Variants in CDKAL1 observed in about 807,000 individuals in gnomAD.
The protein encoded by CDKAL1 is threonylcarbamoyladenosine tRNA methylthiotransferase.
In CDKAL1, 32 loss-of-function variants were observed where a neutral mutation model predicts 68.2. The observed-to-expected ratio is 0.47, with a 90% CI of 0.35 to 0.63. The LOEUF (loss-of-function observed/expected upper bound fraction) is 0.63, where lower values mean the gene tolerates loss of function less well. CDKAL1 is among the 30% of genes least tolerant of loss of function. CDKAL1 has a pLI of 0.00. For missense variants in CDKAL1, 606 were observed against 696.7 expected (o/e 0.87, Z 1.47); for synonymous variants, 234 against 244.3 (o/e 0.96, Z 0.39).
intron 9 of CDKAL1, among the ~76,000 whole-genome samples, chr6:20,854,510 T>G (rs192309334): frequency 3.3e-5 from 5 of 152,230 alleles, no homozygotes; most frequent in Non-Finnish European, 2.9e-5. Context: ...AACAGTACAT[T>G]ATCACAATCA....
intron 5 of CDKAL1, among the ~76,000 whole-genome samples, chr6:20,730,016 G>A (rs1017480649): frequency 3.9e-5 from 6 of 152,040 alleles, no homozygotes; most frequent in Admixed American, 3.3e-4. Flanking sequence ...ACTATTAAAA[G>A]GTTAAATAAG....
At chr6:20,853,756 G>A (rs987942938) in intron 9 of CDKAL1, among the ~76,000 whole-genome samples, 13 of 152,128 alleles carry the variant, frequency 8.5e-5, no homozygotes, top group South Asian at 2.1e-4. Flanking sequence ...AGTCAGAGGC[G>A]AGAACTACAA....
Position 20,655,703 on chromosome 6 carries a change from C to T in CDKAL1, c.371+6326C>T, listed in dbSNP as rs991028663. On this transcript the variant is annotated intron_variant, in intron 5 of 15. Transcript: ENST00000274695. ...ACCCCAACACCACACCTCCCACCCCCGGTCTGTGGAAAAATTATCTTCCAT... is the reference window on the plus strand; with the variant it reads ...ACCCCAACACCACACCTCCCACCCCTGGTCTGTGGAAAAATTATCTTCCAT... Among the ~76,000 whole-genome samples, 6 of 152,238 alleles carry T rather than the reference C, an allele frequency of 3.9e-5. No homozygotes were observed. In the South Asian group the frequency reaches 6.2e-4, roughly 16 times the overall value.
At chr6:21,116,764 A>G (rs1213859671) in intron 13 of CDKAL1, among the ~76,000 whole-genome samples, 1 of 152,206 alleles carries the variant, frequency 6.6e-6, no homozygotes. Flanking sequence ...TTCAGTATAA[A>G]AGTATTAATA....
intron 5 of CDKAL1, among the ~76,000 whole-genome samples, chr6:20,658,895 G>A (rs1324320558): frequency 6.6e-6 from 1 of 152,104 alleles, no homozygotes; most frequent in Admixed American, 6.6e-5. Flanking sequence ...GCTTACTGTA[G>A]CCTCATCCTC....
intron 5 of CDKAL1, among the ~76,000 whole-genome samples, chr6:20,721,740 T>G (rs968714743): frequency 1.5e-4 from 21 of 141,536 alleles, no homozygotes; most frequent in Non-Finnish European, 2.3e-4. Context: ...TTTTTTTTTT[T>G]TTTTTTTTTT....
intron 9 of CDKAL1, among the ~76,000 whole-genome samples, chr6:20,875,285 G>A (rs971375023): frequency 6.7e-5 from 9 of 134,924 alleles, no homozygotes; most frequent in Non-Finnish European, 1.1e-4. Context: ...CGGCCTGGGC[G>A]ACAGAGCGAG....
At chr6:20,749,330 G>T (rs1317945338) in intron 6 of CDKAL1, among the ~76,000 whole-genome samples, 2 of 152,032 alleles carry the variant, frequency 1.3e-5, no homozygotes, top group Admixed American at 6.5e-5. Context: ...TTACCACTGT[G>T]TCCCTAATTG....
intron 8 of CDKAL1, among the ~76,000 whole-genome samples, chr6:20,844,887 A>G (rs1778319454): frequency 6.6e-6 from 1 of 152,222 alleles, no homozygotes; most frequent in Non-Finnish European, 1.5e-5. Flanking sequence ...TAGAACCTCT[A>G]TTTGTAAGAG....
chr6:20,840,227 C>T (rs968846971), intron 8 of CDKAL1, among the ~76,000 whole-genome samples: 3 of 152,126 alleles, frequency 2.0e-5, no homozygotes, highest in African/African-American at 7.2e-5. Flanking sequence ...AAATGCATAA[C>T]TGAGTTTCTG....
chr6:21,208,237 C>T (rs1403059679), intron 15 of CDKAL1, among the ~76,000 whole-genome samples: 1 of 152,134 alleles, frequency 6.6e-6, no homozygotes, highest in Admixed American at 6.5e-5. Context: ...TAAAGGGTGG[C>T]ATGGTTTGCT....
intron 6 of CDKAL1, among the ~76,000 whole-genome samples, chr6:20,757,553 T>TACAC (rs67359030): frequency 1.5e-4 from 22 of 150,962 alleles, no homozygotes; most frequent in African/African-American, 4.4e-4. Flanking sequence ...TATATTTATT[T>TACAC]ACACACACAC....
chr6:21,080,945 A>G (rs187314222), intron 12 of CDKAL1, among the ~76,000 whole-genome samples: 18 of 152,336 alleles, frequency 1.2e-4, no homozygotes, highest in African/African-American at 4.1e-4. Context: ...ACTTGGGAAC[A>G]TATAATTGGT....
At chr6:21,153,414 A>G (rs1375898496) in intron 13 of CDKAL1, among the ~76,000 whole-genome samples, 1 of 152,174 alleles carries the variant, frequency 6.6e-6, no homozygotes, top group Admixed American at 6.5e-5. Flanking sequence ...TGTGACATTC[A>G]TTCAATTATG....
chr6:20,762,772 A>G (rs1319439852), intron 7 of CDKAL1, among the ~76,000 whole-genome samples: 2 of 152,202 alleles, frequency 1.3e-5, no homozygotes, highest in Admixed American at 1.3e-4. Flanking sequence ...GGAATAATCT[A>G]ACTGATCTTT....
chr6:20,773,538 T>C (rs757399531), intron 7 of CDKAL1, among the ~76,000 whole-genome samples: 15 of 151,568 alleles, frequency 9.9e-5, no homozygotes, highest in Admixed American at 5.2e-4. Flanking sequence ...TTTATTTACT[T>C]ATTTATTTTT....
intron 15 of CDKAL1, among the ~76,000 whole-genome samples, chr6:21,230,524 A>AAAT (rs1779923974): frequency 6.6e-6 from 1 of 152,092 alleles, no homozygotes; most frequent in Non-Finnish European, 1.5e-5. Context: ...TCTAAGAGTT[A>AAAT]AATATGTCTG....
intron 4 of CDKAL1, among the ~76,000 whole-genome samples, chr6:20,586,878 G>C (rs1765380262): frequency 6.6e-6 from 1 of 151,326 alleles, no homozygotes; most frequent in Non-Finnish European, 1.5e-5. Flanking sequence ...TTCATCTCCT[G>C]CTACCACTGC....
chr6:21,161,294 G>A (rs9465978), intron 13 of CDKAL1, among the ~76,000 whole-genome samples: 37,463 of 152,006 alleles, frequency 0.25, 4,987 homozygotes, highest in African/African-American at 0.32. Flanking sequence ...ATGGATTGCT[G>A]TATTTTTCAA....
Sources: gnomAD v4.1 joint callset for allele counts (sites outside exome capture counted in the v4.1 genomes callset) on GRCh38, gnomAD v4.1.1 for gene constraint, MANE v1.5 for transcripts, NCBI Gene and HGNC (gene_info 2026-07-23, HGNC 2026-07-21) for gene names.